ALK: variants seen among roughly 807,000 people sequenced by gnomAD.
ALK encodes ALK receptor tyrosine kinase.
A neutral mutation model predicts 163.1 loss-of-function variants in ALK; 74 were observed. The observed-to-expected ratio is 0.45, with a 90% CI of 0.38 to 0.55. The LOEUF (loss-of-function observed/expected upper bound fraction) is 0.55, where lower values mean the gene tolerates loss of function less well. Ranked by LOEUF, ALK falls within the 20% of genes least tolerant of loss-of-function variation. The pLI, the probability that ALK is intolerant of heterozygous loss-of-function variation, is 0.00. For missense variants in ALK, 2,063 were observed against 2,105.3 expected (o/e 0.98, Z 0.39); for synonymous variants, 960 against 843.2 (o/e 1.14, Z -2.40).
chr2:29,343,013 G>A (rs1420108752), intron 5 of ALK, among the ~76,000 whole-genome samples: 2 of 149,232 alleles, frequency 1.3e-5, no homozygotes, highest in Non-Finnish European at 3.0e-5. Flanking sequence ...CTCCCGAGTA[G>A]CTGGAACTAC....
Position 29,652,520 on chromosome 2 carries a change from T to A in ALK, c.952+42330A>T, listed in dbSNP as rs1677064092. On this transcript the variant is annotated intron_variant, in intron 3 of 28. Coordinates refer to ENST00000389048, the MANE Select transcript of ALK (RefSeq NM_004304.5). ...TCCTTAAAAATTCCAAAGTGATGCA[T>A]TTTTGTATGCTAATGATTGACTGAT... 2.0e-5 allele frequency among the ~76,000 whole-genome samples: 3 copies of A among 152,218 alleles called. No homozygotes were observed. The South Asian group carries it at 6.2e-4, about 32-fold the overall frequency.
chr2:29,241,287 C>T (rs571500437), intron 12 of ALK, among the ~76,000 whole-genome samples: 13 of 152,244 alleles, frequency 8.5e-5, no homozygotes, highest in South Asian at 2.1e-4. Flanking sequence ...GGAGTGCTCC[C>T]GGGCTCCCTG....
At chr2:29,214,623 T>G (rs536243447) in intron 23 of ALK, among the ~76,000 whole-genome samples, 32 of 152,336 alleles carry the variant, frequency 2.1e-4, no homozygotes, top group African/African-American at 7.7e-4. Flanking sequence ...TGGGCAATTA[T>G]GAGCTATCTC....
chr2:29,548,421 C>T lies in ALK; in HGVS notation c.953-16305G>A, dbSNP rs575722720. ...CCGGAAGGTGGAAGTTGCAGTGAGC[C>T]AAGATCATGCCACTGCACTCCAGCA... On this transcript the variant is annotated intron_variant, in intron 3 of 28. Transcript: ENST00000389048. 1.8e-3 allele frequency among the ~76,000 whole-genome samples: 263 copies of T among 149,710 alleles called. 2 individuals carry two copies. Among genetic ancestry groups the T allele is most frequent in the Non-Finnish European group, 2.3e-3 (155 of 67,600 alleles).
At chr2:29,510,475 G>A (rs1257188334) in intron 4 of ALK, among the ~76,000 whole-genome samples, 6 of 152,080 alleles carry the variant, frequency 3.9e-5, no homozygotes, top group Non-Finnish European at 7.4e-5. Context: ...ATCTTTTTTG[G>A]GAAGTTGCTT....
intron 9 of ALK, among the ~76,000 whole-genome samples, chr2:29,286,045 T>A (rs1665848252): frequency 6.6e-6 from 1 of 152,244 alleles, no homozygotes; most frequent in South Asian, 2.1e-4. Flanking sequence ...TTCTCTGGAA[T>A]GCCTTGTCCC....
At chr2:29,826,448 TAAAAAAAA>T (rs397959887) in intron 1 of ALK, among the ~76,000 whole-genome samples, 2 of 140,080 alleles carry the variant, frequency 1.4e-5, no homozygotes, top group African/African-American at 5.3e-5. Flanking sequence ...CCAGTTGATT[TAAAAAAAA>T]AAAAAAAAGA....
chr2:29,495,886 G>A (rs1672010422), intron 4 of ALK, among the ~76,000 whole-genome samples: 1 of 152,198 alleles, frequency 6.6e-6, no homozygotes, highest in African/African-American at 2.4e-5. Flanking sequence ...CTATGATTTA[G>A]CAAGTCTACT....
chr2:29,590,951 G>C (rs571496808), intron 3 of ALK, among the ~76,000 whole-genome samples: 21 of 151,564 alleles, frequency 1.4e-4, no homozygotes, highest in African/African-American at 4.4e-4. Context: ...GGCGCCTGTA[G>C]TCCCAGCTAC....
At chr2:29,592,317 G>A (rs1037716624) in intron 3 of ALK, among the ~76,000 whole-genome samples, 1 of 152,134 alleles carries the variant, frequency 6.6e-6, no homozygotes, top group African/African-American at 2.4e-5. Context: ...TGGTCACAAA[G>A]CCCTGTGTGC....
chr2:29,884,201 C>A (rs1666934810), intron 1 of ALK, among the ~76,000 whole-genome samples: 1 of 152,118 alleles, frequency 6.6e-6, no homozygotes, highest in Non-Finnish European at 1.5e-5. Flanking sequence ...AGTTTTCTCT[C>A]CAGTAAATTT....
intron 5 of ALK, among the ~76,000 whole-genome samples, chr2:29,382,534 A>T (rs912939759): frequency 9.2e-5 from 14 of 152,174 alleles, no homozygotes; most frequent in African/African-American, 3.4e-4. Context: ...ATCAAATGAG[A>T]ACATTCTGGG....
intron 4 of ALK, among the ~76,000 whole-genome samples, chr2:29,411,162 A>C (rs1256834242): frequency 6.6e-6 from 1 of 152,186 alleles, no homozygotes; most frequent in Non-Finnish European, 1.5e-5. Flanking sequence ...AGGCCTACAC[A>C]TGGTCAGGAT....
At chr2:29,599,688 A>G (rs1443752434) in intron 3 of ALK, among the ~76,000 whole-genome samples, 1 of 152,240 alleles carries the variant, frequency 6.6e-6, no homozygotes, top group Admixed American at 6.5e-5. Flanking sequence ...TCCACACCAA[A>G]CACTGGCAAA....
chr2:29,858,965 G>A (rs1041800494), intron 1 of ALK, among the ~76,000 whole-genome samples: 7 of 152,062 alleles, frequency 4.6e-5, no homozygotes, highest in Admixed American at 4.6e-4. Flanking sequence ...CCGAGGAGGT[G>A]GAGGTTGCAG....
At chr2:29,413,395 G>A (rs1295515914) in intron 4 of ALK, among the ~76,000 whole-genome samples, 2 of 151,542 alleles carry the variant, frequency 1.3e-5, no homozygotes, top group African/African-American at 2.4e-5. Flanking sequence ...TGCCCAGGCT[G>A]AAGTGCAGTG....
At chr2:29,366,354 C>T (rs927921012) in intron 5 of ALK, among the ~76,000 whole-genome samples, 2 of 152,136 alleles carry the variant, frequency 1.3e-5, no homozygotes, top group African/African-American at 2.4e-5. Flanking sequence ...AACCAGATGA[C>T]CTGTGTGCCC....
chr2:29,916,291 C>T (rs1667831573), intron 1 of ALK, among the ~76,000 whole-genome samples: 1 of 152,226 alleles, frequency 6.6e-6, no homozygotes, highest in East Asian at 1.9e-4. Flanking sequence ...ATGGGCCACG[C>T]TAAATAACTC....
chr2:29,299,399 C>T (rs763840538), intron 8 of ALK, among the ~76,000 whole-genome samples: 2 of 152,184 alleles, frequency 1.3e-5, no homozygotes, highest in Admixed American at 6.5e-5. Flanking sequence ...ATTTGTTAAG[C>T]ACTTATGCTG....
Sources: gnomAD v4.1 joint callset for allele counts (sites outside exome capture counted in the v4.1 genomes callset) on GRCh38, gnomAD v4.1.1 for gene constraint, MANE v1.5 for transcripts, NCBI Gene and HGNC (gene_info 2026-07-23, HGNC 2026-07-21) for gene names.